The following ACP3 variants were observed in gnomAD, a reference collection of about 807,000 sequenced individuals.
ACP3 encodes prostatic acid phosphatase.
A neutral mutation model predicts 45.6 loss-of-function variants in ACP3; 38 were observed. The ratio of observed to expected loss-of-function variants is 0.83; its 90% CI spans 0.64 to 1.09. The LOEUF (loss-of-function observed/expected upper bound fraction) is 1.09, where lower values mean the gene tolerates loss of function less well. Ranked by LOEUF, ACP3 falls within the 50% of genes least tolerant of loss-of-function variation. ACP3 has a pLI of 0.00. For missense variants in ACP3, 466 were observed against 463.2 expected (o/e 1.01, Z -0.05); for synonymous variants, 162 against 164.7 (o/e 0.98, Z 0.13).
At chr3:132,332,523 A>G (rs570493773) in intron 4 of ACP3, 179 bp downstream of exon 4, 3 of 743,442 alleles carry the variant, frequency 4.0e-6, no homozygotes, top group African/African-American at 1.8e-5. Context: ...AAGAGAGAGT[A>G]GGAACCAAAT....
At position 132,320,004 on chromosome 3, in the gene ACP3, T is replaced by A. The variant is rs181752535; in HGVS notation, c.120+2428T>A. Among the ~76,000 whole-genome samples, 43 of 151,860 alleles carry A rather than the reference T, an allele frequency of 2.8e-4. No individual in the cohort carries two copies. The East Asian group carries it at 8.3e-3, about 29-fold the overall frequency. On this transcript the variant is annotated intron_variant, in intron 1 of 9. Transcript: ENST00000336375. ...GACTAACTGAAGTGCCTGTGACCCATGAAATGCTAGTTTGACAAGTTGTTA... is the reference window on the plus strand; with the variant it reads ...GACTAACTGAAGTGCCTGTGACCCAAGAAATGCTAGTTTGACAAGTTGTTA...
In ACP3 at chr3:132,356,953, C is replaced by T; in HGVS notation, c.*75C>T. 1 of 1,505,856 alleles carries T rather than the reference C, an allele frequency of 6.6e-7. No homozygotes were observed. Among genetic ancestry groups the T allele is most frequent in the Non-Finnish European group, 8.9e-7 (1 of 1,127,240 alleles). 93.3% of individuals were successfully genotyped at this position (1,505,856 alleles called of 1,614,324 possible). ...ATGATGCTTTGAGAACATACTTTGG[C>T]CATTACCCCCAGCTTTGAGGAAAAT... On this transcript the variant is annotated 3_prime_UTR_variant, in exon 10 of 10. Coordinates refer to ENST00000336375, the MANE Select transcript of ACP3 (RefSeq NM_001099.5).
At chr3:132,328,385 G>A (rs768864405) in intron 2 of ACP3, 23 bp downstream of exon 2, 11 of 1,593,000 alleles carry the variant, frequency 6.9e-6, no homozygotes, top group Admixed American at 1.7e-5. Context: ...TTTAGCTAAA[G>A]ATTGTTGATG....
At chr3:132,329,621 T>C (rs2107797447) in intron 2 of ACP3, among the ~76,000 whole-genome samples, 1 of 152,138 alleles carries the variant, frequency 6.6e-6, no homozygotes, top group African/African-American at 2.4e-5. Context: ...TCTGTTGCTA[T>C]GTTTTCCCAT....
In ACP3 at chr3:132,358,168, T is replaced by C. The variant is rs1240019126; in HGVS notation, c.*1290T>C. On this transcript the variant is annotated 3_prime_UTR_variant, in exon 10 of 10. Coordinates refer to ENST00000336375, the MANE Select transcript of ACP3 (RefSeq NM_001099.5). ...ATTTTGGAAGGCTGAGGCAGGAGGA[T>C]CACTTTAGGCCTGGTGTGTTCAAGA... 1 of 786,698 alleles carries C rather than the reference T, an allele frequency of 1.3e-6. No individual in the cohort carries two copies. Among genetic ancestry groups the C allele is most frequent in the African/African-American group, 1.9e-5 (1 of 53,220 alleles). 48.7% of individuals were successfully genotyped at this position (786,698 alleles called of 1,614,324 possible). A position where few individuals can be genotyped will look rare whatever the true frequency, so the allele number is the denominator to read the frequency against.
At position 132,356,782 on chromosome 3, in the gene ACP3, G is replaced by A; in HGVS notation, c.1065G>A (p.Arg355=). 1 of 1,614,174 alleles carries A rather than the reference G, an allele frequency of 6.2e-7. No homozygotes were observed. Among genetic ancestry groups the A allele is most frequent in the South Asian group, 1.1e-5 (1 of 91,082 alleles). The change falls in exon 10 of 10, where the codon AGG becomes AGA. Residue 355 remains arginine, a synonymous_variant. Coordinates refer to ENST00000336375, the MANE Select transcript of ACP3 (RefSeq NM_001099.5). Reference sequence around the variant, plus strand: ...GCAGCCCCAGCTGTCCTCTGGAGAGGTTTGCTGAGCTGGTTGGCCCTGTGA... The same window carrying A: ...GCAGCCCCAGCTGTCCTCTGGAGAGATTTGCTGAGCTGGTTGGCCCTGTGA... ...PGCSPSCPLE[R]FAELVGPVIP... is the part of the protein sequence containing the mutation.
Position 132,357,058 on chromosome 3 carries a change from C to T in ACP3, c.*180C>T. ...ACCTCTTCACCTGACCCTGCCCCCA[C>T]TTGCCATAAAACTTAGCTAAGTTTT... On this transcript the variant is annotated 3_prime_UTR_variant, in exon 10 of 10. Coordinates refer to ENST00000336375, the MANE Select transcript of ACP3 (RefSeq NM_001099.5). The T allele has an allele frequency of 7.4e-7, 1 of 1,352,006 alleles. No homozygotes were observed. Among genetic ancestry groups the T allele is most frequent in the East Asian group, 2.8e-5 (1 of 35,890 alleles). The allele number at this position is 1,352,006 out of a possible 1,614,324, so 83.8% of individuals were successfully genotyped here. A position where few individuals can be genotyped will look rare whatever the true frequency, so the allele number is the denominator to read the frequency against.
At chr3:132,365,280 A>T (rs538685955) in intron 10 of ACP3, among the ~76,000 whole-genome samples, 1 of 152,360 alleles carries the variant, frequency 6.6e-6, no homozygotes, top group African/African-American at 2.4e-5. Flanking sequence ...GTTTTGGAAG[A>T]TGAGGATCAC....
At position 132,345,070 on chromosome 3, in the gene ACP3, A is replaced by T. The variant is rs972774; in HGVS notation, c.781+11A>T. 0.59 allele frequency: 941,325 copies of T among 1,607,870 alleles called. 283,603 individuals carry two copies. The highest frequency in any genetic ancestry group is 0.63 in the Middle Eastern group (3,812 of 6,038). ...CTAGGCTCCAAGGGGGTAAGTATTA[A>T]AAAATGAGAGGAGCATATTGGATTT... On this transcript the variant is annotated intron_variant, in intron 7 of 9. Transcript: ENST00000336375.
chr3:132,327,839 G>C (rs1300940090), intron 1 of ACP3, among the ~76,000 whole-genome samples: 1 of 151,902 alleles, frequency 6.6e-6, no homozygotes, highest in Non-Finnish European at 1.5e-5. Flanking sequence ...ATTAAGGGAA[G>C]AATACTTCTC....
At chr3:132,351,872 T>C (rs544147796) in intron 8 of ACP3, among the ~76,000 whole-genome samples, 1 of 151,950 alleles carries the variant, frequency 6.6e-6, no homozygotes, top group South Asian at 2.1e-4. Context: ...AGAAAGGGGG[T>C]TGAAAACCAC....
intron 1 of ACP3, among the ~76,000 whole-genome samples, chr3:132,319,281 T>A (rs1937162594): frequency 6.6e-6 from 1 of 152,220 alleles, no homozygotes; most frequent in African/African-American, 2.4e-5. Context: ...TTTATACAAA[T>A]GAGATAACTC....
chr3:132,359,463 G>A (rs1023850013), downstream of ACP3, among the ~76,000 whole-genome samples: 5 of 152,120 alleles, frequency 3.3e-5, no homozygotes, highest in Middle Eastern at 3.2e-3. Context: ...AGCCGAGATC[G>A]CGCCACTGCA....
chr3:132,327,923 A>T, intron 1 of ACP3, among the ~76,000 whole-genome samples: 1 of 152,184 alleles, frequency 6.6e-6, no homozygotes, highest in Non-Finnish European at 1.5e-5. Context: ...GTACAAACCG[A>T]TCTCCATTAT....
chr3:132,330,205 C>G (rs1260803243), intron 2 of ACP3, among the ~76,000 whole-genome samples: 1 of 152,108 alleles, frequency 6.6e-6, no homozygotes, highest in Non-Finnish European at 1.5e-5. Context: ...CAGGCCTGAG[C>G]CACCACACCC....
At chr3:132,334,270 T>C (rs985070492) in intron 4 of ACP3, among the ~76,000 whole-genome samples, 2 of 152,054 alleles carry the variant, frequency 1.3e-5, no homozygotes, top group Admixed American at 6.5e-5. Context: ...GCAAGGAACA[T>C]TATCTACCTA....
At chr3:132,335,100 G>C (rs958627358) in intron 4 of ACP3, among the ~76,000 whole-genome samples, 1 of 151,916 alleles carries the variant, frequency 6.6e-6, no homozygotes, top group Non-Finnish European at 1.5e-5. Context: ...TTAAATTCCA[G>C]GCCTTTTAAT....
At chr3:132,367,526 G>A (rs1938150087) in intron 10 of ACP3, among the ~76,000 whole-genome samples, 1 of 152,184 alleles carries the variant, frequency 6.6e-6, no homozygotes, top group African/African-American at 2.4e-5. Flanking sequence ...TGGAACCTAG[G>A]TCATCTCCTG....
intron 5 of ACP3, among the ~76,000 whole-genome samples, chr3:132,339,812 T>C (rs1937531947): frequency 6.6e-6 from 1 of 152,094 alleles, no homozygotes; most frequent in South Asian, 2.1e-4. Context: ...GCTATCAACT[T>C]AAATTTTAAC....
Sources: gnomAD v4.1 joint callset for allele counts (sites outside exome capture counted in the v4.1 genomes callset) on GRCh38, gnomAD v4.1.1 for gene constraint, MANE v1.5 for transcripts, NCBI Gene and HGNC (gene_info 2026-07-23, HGNC 2026-07-21) for gene names.